Variants in PRR12 observed in about 807,000 individuals in gnomAD.
The protein encoded by PRR12 is proline-rich protein 12.
A neutral mutation model predicts 138.0 loss-of-function variants in PRR12; 12 were observed. That is an observed-to-expected ratio of 0.09 (90% CI 0.06 to 0.14). The LOEUF (loss-of-function observed/expected upper bound fraction) is 0.14, where lower values mean the gene tolerates loss of function less well. PRR12 is among the 10% of genes least tolerant of loss of function. PRR12 has a pLI of 1.00. For synonymous variants in PRR12, 1,567 were observed against 1,291.7 expected, an observed-to-expected ratio of 1.21 and a Z score of -4.57; for missense variants, 2,692 against 2,861.3, an observed-to-expected ratio of 0.94 and a Z score of 1.35.
rs747819420 is a variant in PRR12, at chr19:49,596,060, C to T, written c.1725C>T (p.Gly575=). 3.7e-5 allele frequency: 60 copies of T among 1,601,630 alleles called. No homozygotes were observed. In the African/African-American group the frequency reaches 6.8e-4, roughly 18 times the overall value. The part of the protein sequence containing the change: ...IRPLQSPPAT[G]RPPGVGSPGA... ...CGCTCCAGTCACCGCCTGCCACCGG[C>T]CGTCCACCTGGAGTCGGCTCTCCAG... Residue 575 remains glycine, a synonymous_variant, in exon 4 of 14, where the codon GGC becomes GGT. Transcript: ENST00000418929. This position sits in a 1 kb window ranked among gnomAD's most constrained non-coding sequence, Gnocchi z 5.6.
rs1183001244 is a variant in PRR12 at position 49,614,821 on chromosome 19, G to A, written c.4891-55G>A. On this transcript the variant is annotated intron_variant, in intron 7 of 13. Transcript: ENST00000418929. The surrounding 1 kb of genome is among the most constrained non-coding windows in gnomAD (Gnocchi z 5.0). ...GGTGGCCCAGGGCACGGGGGTGTTG[G>A]CCATCTGGCTGGGCAGTGTGAAGAA... is the stretch of plus-strand genomic sequence containing the variant. 2 of 1,611,772 alleles carry A rather than the reference G, an allele frequency of 1.2e-6. No homozygotes were observed. Among genetic ancestry groups the A allele is most frequent in the African/African-American group, 2.7e-5 (2 of 74,896 alleles).
intron 6 of PRR12, among the ~76,000 whole-genome samples, chr19:49,611,040 C>T (rs1020510773): frequency 1.3e-5 from 2 of 151,778 alleles, no homozygotes; most frequent in Non-Finnish European, 2.9e-5. Flanking sequence ...CGGGGTTTCA[C>T]CATGTTGGCC....
chr19:49,592,823 T>C (rs977183512), intron 1 of PRR12, among the ~76,000 whole-genome samples: 14 of 152,200 alleles, frequency 9.2e-5, no homozygotes, highest in South Asian at 2.1e-4. Flanking sequence ...CCGTTGCCGC[T>C]TGGGAACCGA....
At position 49,624,820 on chromosome 19, in the gene PRR12, A is replaced by G. The variant is rs77134781; in HGVS notation, c.5722-24A>G. 4.8e-3 allele frequency: 7,759 copies of G among 1,607,976 alleles called. 149 individuals carry two copies. In the African/African-American group the frequency reaches 0.058, roughly 12 times the overall value. On this transcript the variant is annotated intron_variant, in intron 11 of 13. Transcript: ENST00000418929. Reference sequence around the variant, plus strand: ...GGTTTATGGATCCAGGGCAGCATCCAGCTGACCCATTGGCTTCCCGCAGGA... The same window carrying G: ...GGTTTATGGATCCAGGGCAGCATCCGGCTGACCCATTGGCTTCCCGCAGGA...
chr19:49,607,668 A>C (rs553373729), intron 6 of PRR12, among the ~76,000 whole-genome samples: 1 of 151,490 alleles, frequency 6.6e-6, no homozygotes, highest in East Asian at 1.9e-4. Flanking sequence ...AGATCGTAGC[A>C]CTGCACTCCA....
intron 2 of PRR12, 104 bp downstream of exon 2, chr19:49,593,543 TGCCGTGGCCCGC>T (rs1471416776): frequency 1.5e-5 from 9 of 612,228 alleles, no homozygotes; most frequent in Non-Finnish European, 2.0e-5. Flanking sequence ...CCGTGGCCCG[TGCCGTGGCCCGC>T]CCCTTGCTGT....
At position 49,597,504 on chromosome 19, in the gene PRR12, G is replaced by A. The variant is rs2080781824; in HGVS notation, c.3169G>A (p.Gly1057Ser). 6.4e-7 allele frequency: 1 copy of A among 1,553,406 alleles called. No individual in the cohort carries two copies. The highest frequency in any genetic ancestry group is 8.7e-7 in the Non-Finnish European group (1 of 1,150,256). Residue 1057 changes from glycine (G) to serine (S), a missense_variant, in exon 4 of 14, where the codon GGT (glycine) becomes AGT (serine). This residue lies in a region of PRR12 where 840 missense variants were observed against 689.8 expected (regional missense o/e 1.22). Transcript: ENST00000418929. The surrounding 1 kb of genome is among the most constrained non-coding windows in gnomAD (Gnocchi z 6.3). ...PPPAPASEPK[G>S]GLTSPIFCST... ...TCCCGCGCCGGCCTCCGAACCCAAG[G>A]GTGGCCTCACCTCGCCCATCTTCTG...
chr19:49,598,151 G>A (rs912725998), intron 4 of PRR12, 138 bp downstream of exon 4: 4 of 997,726 alleles, frequency 4.0e-6, no homozygotes, highest in African/African-American at 3.4e-5. Context: ...TCGGTTCACT[G>A]CAAGCTCCGC....
chr19:49,620,613 C>A, intron 10 of PRR12, 136 bp downstream of exon 10: 1 of 1,304,480 alleles, frequency 7.7e-7, no homozygotes, highest in Non-Finnish European at 1.0e-6. Flanking sequence ...GAGCTGAGGC[C>A]TGGACCTGGG....
intron 4 of PRR12, 123 bp downstream of exon 4, chr19:49,598,136 C>G (rs974020417): frequency 1.1e-5 from 12 of 1,107,710 alleles, no homozygotes; most frequent in Admixed American, 4.2e-5. Context: ...TGCAGTGGCA[C>G]GATCTCGGTT....
chr19:49,620,496 A>AGG lies in PRR12; in HGVS notation c.5623+20_5623+21dup. The AGG allele has an allele frequency of 6.8e-7, 1 of 1,469,558 alleles. No individual in the cohort carries two copies. The highest frequency in any genetic ancestry group is 9.2e-7 in the Non-Finnish European group (1 of 1,084,412). The allele number at this position is 1,469,558 out of a possible 1,614,324, so 91.0% of individuals were successfully genotyped here. On this transcript the variant is annotated intron_variant, in intron 10 of 13. Coordinates refer to ENST00000418929, the MANE Select transcript of PRR12 (RefSeq NM_020719.3). ...ACGCATGGTGAGCTGAGGCCTGGGG[A>AGG]GGAGGGGGGGGGGCTGACTCGGTCT...
At chr19:49,612,187 G>A (rs923657971) in intron 6 of PRR12, among the ~76,000 whole-genome samples, 7 of 141,294 alleles carry the variant, frequency 5.0e-5, no homozygotes, top group African/African-American at 1.9e-4. Context: ...CCGAGATTGC[G>A]CCACTGCACT....
intron 11 of PRR12, 189 bp downstream of exon 11, chr19:49,621,811 G>T (rs775503405): frequency 1.9e-5 from 11 of 589,600 alleles, no homozygotes; most frequent in African/African-American, 3.7e-5. Flanking sequence ...AAGCCCATGT[G>T]GGGAGGAGCT....
In PRR12 at chr19:49,599,495, C is replaced by T. The variant is rs779126530; in HGVS notation, c.3902C>T (p.Ala1301Val). 14 of 1,599,342 alleles carry T rather than the reference C, an allele frequency of 8.8e-6. No individual in the cohort carries two copies. The highest frequency in any genetic ancestry group is 5.6e-5 in the South Asian group (5 of 89,118). The change falls in exon 5 of 14, where the codon GCG becomes GTG. Residue 1301 changes from alanine to valine, a missense_variant. Coordinates refer to ENST00000418929, the MANE Select transcript of PRR12 (RefSeq NM_020719.3). This position sits in a 1 kb window ranked among gnomAD's most constrained non-coding sequence, Gnocchi z 5.0. Reference sequence around the variant, plus strand: ...AAGCGCCACCCACCACTCTACCAGGCGGGCCTGACGCCTCCGCTCAGCCCT... The same window carrying T: ...AAGCGCCACCCACCACTCTACCAGGTGGGCCTGACGCCTCCGCTCAGCCCT... ...SGKRHPPLYQAGLTPPLSPPK... is the reference protein window; with the variant it reads ...SGKRHPPLYQVGLTPPLSPPK...
chr19:49,591,442 A>AC lies in PRR12; in HGVS notation c.-208dup, dbSNP rs1238939121. 4.4e-5 allele frequency among the ~76,000 whole-genome samples: 4 copies of AC among 91,000 alleles called. No homozygotes were observed. The highest frequency in any genetic ancestry group is 6.9e-5 in the Non-Finnish European group (3 of 43,580). The allele number at this position is 91,000 out of a possible 152,430, so 59.7% of individuals were successfully genotyped here. Reference sequence around the variant, plus strand: ...CCCCCTTCCTTGGCTCAGCGACTGCACCCCCTCCCTTGCCCGCCCCTCCGC... The same window carrying AC: ...CCCCCTTCCTTGGCTCAGCGACTGCACCCCCCTCCCTTGCCCGCCCCTCCGC... On this transcript the variant is annotated 5_prime_UTR_variant, in exon 1 of 14. Coordinates refer to ENST00000418929, the MANE Select transcript of PRR12 (RefSeq NM_020719.3).
rs755769029 is a variant in PRR12 at position 49,594,806 on chromosome 19, C to T, written c.471C>T (p.Phe157=). ...ALSAYQHPAS[F]GSRPFPVPSS... ...CGGCTTACCAACACCCGGCTTCCTT[C>T]GGCAGCCGCCCCTTCCCAGTGCCCT... Residue 157 remains phenylalanine, a synonymous_variant, in exon 4 of 14, where the codon TTC becomes TTT. Transcript: ENST00000418929. This position sits in a 1 kb window ranked among gnomAD's most constrained non-coding sequence, Gnocchi z 5.6. 204 of 1,612,388 alleles carry T rather than the reference C, an allele frequency of 1.3e-4. No individual in the cohort carries two copies. Among genetic ancestry groups the T allele is most frequent in the Non-Finnish European group, 1.6e-4 (190 of 1,179,618 alleles).
At position 49,621,774 on chromosome 19, in the gene PRR12, G is replaced by A. The variant is rs2080924857; in HGVS notation, c.5721+152G>A. 8 of 647,024 alleles carry A rather than the reference G, an allele frequency of 1.2e-5. No homozygotes were observed. In the South Asian group the frequency reaches 1.5e-4, roughly 12 times the overall value. 40.1% of individuals were successfully genotyped at this position (647,024 alleles called of 1,614,324 possible). ...GAAAAGTTGAGGGCAGGACTGTCAG[G>A]AGATCTCTGGGTTCTCAACAGCCAT... On this transcript the variant is annotated intron_variant, in intron 11 of 13. Transcript: ENST00000418929.
intron 9 of PRR12, 87 bp from the exon 10 acceptor site, chr19:49,620,265 G>A (rs1052637105): frequency 2.2e-5 from 34 of 1,547,926 alleles, no homozygotes; most frequent in Non-Finnish European, 2.4e-5. Context: ...TTTCTCTTCC[G>A]GTCCCCAGTG....
chr19:49,597,751 A>G lies in PRR12; in HGVS notation c.3416A>G (p.Asp1139Gly), dbSNP rs968150471. ...RSRPALSPLG[D>G]IDFCPPNPGP... ...CGTCCGGCCCTCTCGCCACTGGGGGACATCGACTTCTGCCCACCCAACCCA... is the reference window on the plus strand; with the variant it reads ...CGTCCGGCCCTCTCGCCACTGGGGGGCATCGACTTCTGCCCACCCAACCCA... Residue 1139 changes from aspartate to glycine, a missense_variant, in exon 4 of 14, where the codon GAC becomes GGC. This residue lies in a region of PRR12 where 326 missense variants were observed against 344.2 expected (regional missense o/e 0.95). Transcript: ENST00000418929. The surrounding 1 kb of genome is among the most constrained non-coding windows in gnomAD (Gnocchi z 6.3). 3.1e-6 allele frequency: 5 copies of G among 1,605,852 alleles called. No individual in the cohort carries two copies. Among genetic ancestry groups the G allele is most frequent in the South Asian group, 1.1e-5 (1 of 89,938 alleles).
Sources: allele counts gnomAD v4.1 joint callset (sites outside exome capture counted in the v4.1 genomes callset), GRCh38; gene constraint gnomAD v4.1.1; regional missense constraint gnomAD v4.1.1; non-coding constraint Gnocchi (gnomAD v3.1); transcripts MANE v1.5; gene names NCBI Gene and HGNC (gene_info 2026-07-23, HGNC 2026-07-21).